LRP1B: variants seen among roughly 807,000 people sequenced by gnomAD.
LRP1B encodes the protein LDL receptor related protein 1B, also known as low-density lipoprotein receptor-related protein 1B.
Under a neutral mutation model 556.6 loss-of-function variants are expected in LRP1B, and 217 were observed. The ratio of observed to expected loss-of-function variants is 0.39; its 90% CI spans 0.35 to 0.44. The LOEUF is 0.44. LRP1B is among the 20% of genes least tolerant of loss of function. The pLI, the probability that LRP1B is intolerant of heterozygous loss-of-function variation, is 1.00. For missense variants in LRP1B, 5,053 were observed against 5,620.8 expected (o/e 0.90, Z 3.23); for synonymous variants, 2,047 against 1,865.8 (o/e 1.10, Z -2.50).
At chr2:141,219,086 A>G (rs1257250422) in intron 6 of LRP1B, among the ~76,000 whole-genome samples, 2 of 152,240 alleles carry the variant, frequency 1.3e-5, no homozygotes, top group African/African-American at 2.4e-5. Flanking sequence ...CCTGTGGATC[A>G]GGAGATCTCC....
At chr2:140,983,811 G>A (rs1696841836) in intron 17 of LRP1B, among the ~76,000 whole-genome samples, 1 of 150,474 alleles carries the variant, frequency 6.6e-6, no homozygotes, top group Admixed American at 6.7e-5. Context: ...AATATTTTAT[G>A]CACTATCTGA....
At chr2:140,487,940 A>T (rs1296908695) in intron 57 of LRP1B, among the ~76,000 whole-genome samples, 1 of 152,008 alleles carries the variant, frequency 6.6e-6, no homozygotes, top group African/African-American at 2.4e-5. Flanking sequence ...ATACTATATT[A>T]ATTTGAAAAT....
chr2:140,531,775 G>C (rs544207210), intron 47 of LRP1B, among the ~76,000 whole-genome samples: 16 of 152,140 alleles, frequency 1.1e-4, no homozygotes, highest in Middle Eastern at 3.4e-3. Flanking sequence ...GTCATCAAGC[G>C]AGTATCTACT....
At chr2:140,764,479 CA>C (rs1689033888) in intron 35 of LRP1B, among the ~76,000 whole-genome samples, 1 of 152,106 alleles carries the variant, frequency 6.6e-6, no homozygotes, top group African/African-American at 2.4e-5. Context: ...CAAATGGTAT[CA>C]AATACTCCTT....
chr2:140,745,955 T>C (rs1454064522), intron 35 of LRP1B, among the ~76,000 whole-genome samples: 3 of 152,140 alleles, frequency 2.0e-5, no homozygotes, highest in Admixed American at 2.0e-4. Flanking sequence ...GAGATTGTGA[T>C]ATGCATTCCA....
At chr2:141,135,470 A>G (rs2105039118) in intron 7 of LRP1B, among the ~76,000 whole-genome samples, 1 of 152,104 alleles carries the variant, frequency 6.6e-6, no homozygotes, top group South Asian at 2.1e-4. Flanking sequence ...AAACCAACAC[A>G]TATTGTCATA....
chr2:141,596,759 T>C (rs532035602), intron 2 of LRP1B, among the ~76,000 whole-genome samples: 2 of 152,076 alleles, frequency 1.3e-5, no homozygotes, highest in African/African-American at 2.4e-5. Context: ...ATATAGTACA[T>C]AGACATAAAA....
chr2:141,874,221 A>G (rs1199650532), intron 1 of LRP1B, among the ~76,000 whole-genome samples: 1 of 151,412 alleles, frequency 6.6e-6, no homozygotes, highest in South Asian at 2.1e-4. Context: ...ACTGAAAAAT[A>G]TATAAAAATC....
In LRP1B at chr2:141,717,812, A is replaced by G. The variant is rs17745060; in HGVS notation, c.205+92467T>C. 4.7e-3 allele frequency among the ~76,000 whole-genome samples: 721 copies of G among 152,368 alleles called. 3 individuals are homozygous for G. Among genetic ancestry groups the G allele is most frequent in the Non-Finnish European group, 8.4e-3 (572 of 68,034 alleles). On this transcript the variant is annotated intron_variant, in intron 2 of 90. Coordinates refer to ENST00000389484, the MANE Select transcript of LRP1B (RefSeq NM_018557.3). The stretch of plus-strand genomic sequence containing the variant: ...TGGAATAAGTAAAGATTTCAAGGAC[A>G]AGATACAATCATTACTAATGTTAAA...
At chr2:141,932,552 T>C (rs1700536048) in intron 1 of LRP1B, among the ~76,000 whole-genome samples, 1 of 152,200 alleles carries the variant, frequency 6.6e-6, no homozygotes, top group East Asian at 1.9e-4. Context: ...CAAAGCCATG[T>C]AATGCTTGTG....
chr2:140,471,686 G>A (rs1255447922), intron 60 of LRP1B, among the ~76,000 whole-genome samples: 1 of 151,940 alleles, frequency 6.6e-6, no homozygotes, highest in African/African-American at 2.4e-5. Context: ...GCCCTTCCAG[G>A]GTCTTTCATT....
intron 66 of LRP1B, among the ~76,000 whole-genome samples, chr2:140,387,659 A>G (rs1408606308): frequency 4.0e-5 from 6 of 151,746 alleles, no homozygotes; most frequent in African/African-American, 1.2e-4. Context: ...GTCAGGTGCA[A>G]TGTTTTCTGC....
chr2:142,030,858 C>T (rs1460632548), intron 1 of LRP1B, among the ~76,000 whole-genome samples: 1 of 151,850 alleles, frequency 6.6e-6, no homozygotes, highest in Admixed American at 6.6e-5. Flanking sequence ...AGCAGTGTCA[C>T]TGAAGTACTT....
At chr2:140,977,196 C>G (rs928959239) in intron 18 of LRP1B, among the ~76,000 whole-genome samples, 1 of 152,108 alleles carries the variant, frequency 6.6e-6, no homozygotes, top group African/African-American at 2.4e-5. Context: ...GGGGGCAGGT[C>G]TTTGCCGTGC....
chr2:141,639,863 T>C (rs570050266), intron 2 of LRP1B, among the ~76,000 whole-genome samples: 89 of 152,256 alleles, frequency 5.8e-4, no homozygotes, highest in Middle Eastern at 3.4e-3. Context: ...CACAACCTTC[T>C]TGTTACAAAT....
At chr2:141,826,332 G>T (rs1696919990) in intron 1 of LRP1B, among the ~76,000 whole-genome samples, 1 of 147,256 alleles carries the variant, frequency 6.8e-6, no homozygotes, top group Admixed American at 6.8e-5. Flanking sequence ...ACCATTATAT[G>T]ACTTTTCCAT....
chr2:141,363,758 T>C (rs72846085), intron 3 of LRP1B, among the ~76,000 whole-genome samples: 27,775 of 152,096 alleles, frequency 0.18, 3,372 homozygotes, highest in East Asian at 0.46. Context: ...TCTACTTAAA[T>C]GCTGAAAAAA....
intron 2 of LRP1B, among the ~76,000 whole-genome samples, chr2:141,701,985 T>C (rs1691954744): frequency 6.6e-6 from 1 of 152,046 alleles, no homozygotes; most frequent in African/African-American, 2.4e-5. Flanking sequence ...CAAGAAATTA[T>C]GCTATTTATT....
At chr2:141,807,900 G>T (rs964526908) in intron 2 of LRP1B, among the ~76,000 whole-genome samples, 25 of 152,070 alleles carry the variant, frequency 1.6e-4, no homozygotes, top group African/African-American at 5.8e-4. Context: ...CTGGGTATCT[G>T]CCATGTTTCT....
Sources: gnomAD v4.1 joint callset for allele counts (sites outside exome capture counted in the v4.1 genomes callset) on GRCh38, gnomAD v4.1.1 for gene constraint, MANE v1.5 for transcripts, NCBI Gene and HGNC (gene_info 2026-07-23, HGNC 2026-07-21) for gene names.